ANKRD13A: variants seen among roughly 807,000 people sequenced by gnomAD.
ANKRD13A encodes ankyrin repeat domain 13A, also known as ankyrin repeat domain-containing protein 13A.
Under a neutral mutation model 81.3 loss-of-function variants are expected in ANKRD13A, and 48 were observed. The ratio of observed to expected loss-of-function variants is 0.59; its 90% CI spans 0.47 to 0.75. The LOEUF (loss-of-function observed/expected upper bound fraction) is 0.75, where lower values mean the gene tolerates loss of function less well. Among genes scored for constraint, ANKRD13A ranks in the 30% least tolerant of loss-of-function variants. ANKRD13A has a pLI of 0.00. For synonymous variants in ANKRD13A, 230 were observed against 270.1 expected, an observed-to-expected ratio of 0.85 and a Z score of 1.45; for missense variants, 612 against 734.0, an observed-to-expected ratio of 0.83 and a Z score of 1.92.
At position 110,036,274 on chromosome 12, in the gene ANKRD13A, C is replaced by G. The variant is rs752642688; in HGVS notation, c.1523C>G (p.Pro508Arg). The change falls in exon 14 of 15, where the codon CCA becomes CGA. Residue 508 changes from proline to arginine, a missense_variant. By Grantham distance (103) the Pro-to-Arg change is moderately radical. Transcript: ENST00000261739. The surrounding 1 kb of genome is among the most constrained non-coding windows in gnomAD (Gnocchi z 4.6). ...TGTCTTTGCCAGGAACTTTCAGGAC[C>G]AGCTTCGAATGGAGGGATCAGCCAG... ...ESSRSQELSG[P>R]ASNGGISQTN... 1.9e-6 allele frequency: 3 copies of G among 1,613,886 alleles called. No homozygotes were observed. The South Asian group carries it at 3.3e-5, about 18-fold the overall frequency.
chr12:110,020,188 A>G (rs1891010164), intron 6 of ANKRD13A, among the ~76,000 whole-genome samples: 1 of 152,186 alleles, frequency 6.6e-6, no homozygotes, highest in Non-Finnish European at 1.5e-5. Context: ...GCCTGAGAAA[A>G]TGGACGCTAT....
intron 1 of ANKRD13A, among the ~76,000 whole-genome samples, chr12:110,006,044 T>TGAC (rs1890227914): frequency 6.6e-6 from 1 of 152,208 alleles, no homozygotes; most frequent in Non-Finnish European, 1.5e-5. Flanking sequence ...CTTGAACTCC[T>TGAC]GACCTCAAGT....
intron 1 of ANKRD13A, among the ~76,000 whole-genome samples, chr12:110,002,445 C>T (rs182633257): frequency 2.0e-5 from 3 of 152,150 alleles, no homozygotes; most frequent in Non-Finnish European, 4.4e-5. Context: ...GGTGAAACCC[C>T]GTCTCTACTA....
At chr12:110,005,152 T>A (rs1890176839) in intron 1 of ANKRD13A, among the ~76,000 whole-genome samples, 1 of 152,190 alleles carries the variant, frequency 6.6e-6, no homozygotes, top group Admixed American at 6.5e-5. Context: ...CTTTCTTTTT[T>A]GTTTTTTTGT....
rs1415836479 is a variant in ANKRD13A, at chr12:110,039,461, A to C, written c.*1907A>C. ...CAGTCTTTGAGTCTTTTTCCTTTTC[A>C]GTTTTTTCTAGTCACTGGATGTACC... On this transcript the variant is annotated 3_prime_UTR_variant, in exon 15 of 15. Transcript: ENST00000261739. 1 of 152,150 alleles carries C rather than the reference A, an allele frequency of 6.6e-6. No individual in the cohort carries two copies. The highest frequency in any genetic ancestry group is 2.4e-5 in the African/African-American group (1 of 41,434). The allele number at this position is 152,150 out of a possible 1,614,324, so 9.4% of individuals were successfully genotyped here. A position where few individuals can be genotyped will look rare whatever the true frequency, so the allele number is the denominator to read the frequency against.
rs1892181332 is a variant in ANKRD13A at position 110,038,196 on chromosome 12, A to T, written c.*642A>T. 6.5e-6 allele frequency: 1 copy of T among 152,692 alleles called. No individual in the cohort carries two copies. The highest frequency in any genetic ancestry group is 6.5e-5 in the Admixed American group (1 of 15,278). The allele number at this position is 152,692 out of a possible 1,614,324, so 9.5% of individuals were successfully genotyped here. On this transcript the variant is annotated 3_prime_UTR_variant, in exon 15 of 15. Coordinates refer to ENST00000261739, the MANE Select transcript of ANKRD13A (RefSeq NM_033121.2). ...CTATTTGCATCAAATTAAGATACACAAATGGCCATGGATGTTGCCTTAGCC... is the reference window on the plus strand; with the variant it reads ...CTATTTGCATCAAATTAAGATACACTAATGGCCATGGATGTTGCCTTAGCC...
At position 110,018,522 on chromosome 12, in the gene ANKRD13A, A is replaced by C. The variant is rs546545240; in HGVS notation, c.544+34A>C. 1 of 1,599,206 alleles carries C rather than the reference A, an allele frequency of 6.3e-7. No homozygotes were observed. Among genetic ancestry groups the C allele is most frequent in the East Asian group, 2.2e-5 (1 of 44,478 alleles). ...CTTCTCTTGTAGTAATCACTGCTCAAGCAAAATTACAGGGTGATTTTTAAC... is the reference window on the plus strand; with the variant it reads ...CTTCTCTTGTAGTAATCACTGCTCACGCAAAATTACAGGGTGATTTTTAAC... On this transcript the variant is annotated intron_variant, in intron 5 of 14. Transcript: ENST00000261739. This position sits in a 1 kb window ranked among gnomAD's most constrained non-coding sequence, Gnocchi z 4.4.
intron 1 of ANKRD13A, 101 bp from the exon 2 acceptor site, chr12:110,011,904 A>C: frequency 8.1e-7 from 1 of 1,229,214 alleles, no homozygotes; most frequent in Non-Finnish European, 1.1e-6. Flanking sequence ...TTAATGCATA[A>C]ATATGTTTTC....
intron 12 of ANKRD13A, 50 bp from the exon 13 acceptor site, chr12:110,033,747 G>A (rs201199377): frequency 3.4e-6 from 5 of 1,458,148 alleles, no homozygotes; most frequent in East Asian, 2.5e-5. Context: ...CAAAAAGTTG[G>A]AGTGGAAATG....
Position 110,028,502 on chromosome 12 carries a change from G to A in ANKRD13A, c.946-10G>A. ...GGCATTTCTGACTCTCCTGAGTTCT[G>A]GCTCAGCAGGACCTCACCACGGAAT... On this transcript the variant is annotated splice_polypyrimidine_tract_variant and intron_variant, in intron 9 of 14. Coordinates refer to ENST00000261739, the MANE Select transcript of ANKRD13A (RefSeq NM_033121.2). 6.2e-7 allele frequency: 1 copy of A among 1,613,816 alleles called. No individual in the cohort carries two copies. Among genetic ancestry groups the A allele is most frequent in the Non-Finnish European group, 8.5e-7 (1 of 1,179,858 alleles).
In ANKRD13A at chr12:110,039,110, CAT is replaced by C. The variant is rs1344943733; in HGVS notation, c.*1557_*1558del. 6.6e-6 allele frequency: 1 copy of C among 151,342 alleles called. No individual in the cohort carries two copies. Among genetic ancestry groups the C allele is most frequent in the Non-Finnish European group, 1.5e-5 (1 of 67,966 alleles). The allele number at this position is 151,342 out of a possible 1,614,324, so 9.4% of individuals were successfully genotyped here. Reference sequence around the variant, plus strand: ...TTGTCTGACCAAAATTCCTTCTGCACATGAGGCCAGTATAGGCAACGTCACAT... The same window carrying C: ...TTGTCTGACCAAAATTCCTTCTGCACGAGGCCAGTATAGGCAACGTCACAT... On this transcript the variant is annotated 3_prime_UTR_variant, in exon 15 of 15. Coordinates refer to ENST00000261739, the MANE Select transcript of ANKRD13A (RefSeq NM_033121.2).
intron 1 of ANKRD13A, among the ~76,000 whole-genome samples, chr12:110,010,599 G>C (rs1203164171): frequency 6.6e-6 from 1 of 152,212 alleles, no homozygotes; most frequent in Non-Finnish European, 1.5e-5. Context: ...TGGGAGGTGT[G>C]TGGACTGGGC....
chr12:110,000,851 G>A (rs1466158871), intron 1 of ANKRD13A, among the ~76,000 whole-genome samples: 2 of 149,014 alleles, frequency 1.3e-5, no homozygotes, highest in Non-Finnish European at 3.0e-5. Flanking sequence ...TCCGCCTCCT[G>A]GGTTCAAGCG....
Position 110,031,566 on chromosome 12 carries a change from G to A in ANKRD13A, c.1348+808G>A, listed in dbSNP as rs12303589. 5.1e-3 allele frequency among the ~76,000 whole-genome samples: 772 copies of A among 152,192 alleles called. 9 individuals carry two copies. Among genetic ancestry groups the A allele is most frequent in the African/African-American group, 0.018 (744 of 41,498 alleles). On this transcript the variant is annotated intron_variant, in intron 12 of 14. Coordinates refer to ENST00000261739, the MANE Select transcript of ANKRD13A (RefSeq NM_033121.2). ...GGGTTTCACCATGTTGGCTAGGCTGGTCTGGAACTCCTGACCTCAAGTGAT... is the reference window on the plus strand; with the variant it reads ...GGGTTTCACCATGTTGGCTAGGCTGATCTGGAACTCCTGACCTCAAGTGAT...
Position 110,037,449 on chromosome 12 carries a change from AGC to A in ANKRD13A, c.1669_1670del (p.Ala557HisfsTer21), listed in dbSNP as rs752097973. On this transcript the variant is annotated frameshift_variant, in exon 15 of 15. Coordinates refer to ENST00000261739, the MANE Select transcript of ANKRD13A (RefSeq NM_033121.2). LOFTEE classifies it high-confidence loss of function. ...TSRFDNDLQL[A>X]MELSAKELEE... is the part of the protein sequence containing the mutation. Reference sequence around the variant, plus strand: ...GCCGTTTTGATAATGACTTGCAGCTAGCCATGGAGCTCTCTGCCAAAGAGCTG... The same window carrying A: ...GCCGTTTTGATAATGACTTGCAGCTACATGGAGCTCTCTGCCAAAGAGCTG... 12 of 1,614,110 alleles carry A rather than the reference AGC, an allele frequency of 7.4e-6. No homozygotes were observed. Among genetic ancestry groups the A allele is most frequent in the Non-Finnish European group, 1.0e-5 (12 of 1,180,044 alleles).
Position 110,036,394 on chromosome 12 carries a change from C to T in ANKRD13A, c.1577+66C>T, listed in dbSNP as rs913783421. On this transcript the variant is annotated intron_variant, in intron 14 of 14. Coordinates refer to ENST00000261739, the MANE Select transcript of ANKRD13A (RefSeq NM_033121.2). The surrounding 1 kb of genome is among the most constrained non-coding windows in gnomAD (Gnocchi z 4.6). Reference sequence around the variant, plus strand: ...ACAGGCCTGGACACAGGCGAGCAGACGCGTGGCACTGTGCATTTGGTCCTC... The same window carrying T: ...ACAGGCCTGGACACAGGCGAGCAGATGCGTGGCACTGTGCATTTGGTCCTC... 10 of 1,506,700 alleles carry T rather than the reference C, an allele frequency of 6.6e-6. No homozygotes were observed. The highest frequency in any genetic ancestry group is 4.5e-5 in the South Asian group (4 of 88,796). 93.3% of individuals were successfully genotyped at this position (1,506,700 alleles called of 1,614,324 possible). A position where few individuals can be genotyped will look rare whatever the true frequency, so the allele number is the denominator to read the frequency against.
intron 4 of ANKRD13A, among the ~76,000 whole-genome samples, chr12:110,016,726 A>G (rs937379684): frequency 1.2e-4 from 18 of 151,986 alleles, no homozygotes; most frequent in Non-Finnish European, 2.4e-4. Flanking sequence ...GCCGACATCT[A>G]TATTATTAGT....
At chr12:110,017,516 CAT>C (rs1311689032) in intron 4 of ANKRD13A, among the ~76,000 whole-genome samples, 2 of 152,098 alleles carry the variant, frequency 1.3e-5, no homozygotes, top group Admixed American at 1.3e-4. Flanking sequence ...GGCAAGAAGT[CAT>C]ATTTGTATGA....
rs757215170 is a variant in ANKRD13A at position 110,027,722 on chromosome 12, G to A, written c.901G>A (p.Glu301Lys). ...CTCTGTAGCAGACAGGAACCCGCTG[G>A]AATCTTTGCTGGGAACTGTGGAACA... ...KRYKADRNPL[E>K]SLLGTVEHQF... is the part of the protein sequence containing the mutation. Residue 301 changes from glutamate (E) to lysine (K), a missense_variant, in exon 9 of 15, where the codon GAA (glutamate) becomes AAA (lysine). By Grantham distance (56) the Glu-to-Lys change is moderately conservative. Transcript: ENST00000261739. 5 of 1,614,090 alleles carry A rather than the reference G, an allele frequency of 3.1e-6. No homozygotes were observed. In the Admixed American group the frequency reaches 8.3e-5, roughly 27 times the overall value.
Sources: allele counts gnomAD v4.1 joint callset (sites outside exome capture counted in the v4.1 genomes callset), GRCh38; gene constraint gnomAD v4.1.1; non-coding constraint Gnocchi (gnomAD v3.1); transcripts MANE v1.5; gene names NCBI Gene and HGNC (gene_info 2026-07-23, HGNC 2026-07-21).